Variants in CENPC observed in about 807,000 individuals in gnomAD.
The protein encoded by CENPC is centromere protein C.
A neutral mutation model predicts 112.1 loss-of-function variants in CENPC; 63 were observed. The observed-to-expected ratio is 0.56, with a 90% CI of 0.46 to 0.69. The LOEUF is 0.69. Ranked by LOEUF, CENPC falls within the 30% of genes least tolerant of loss-of-function variation. The probability of loss-of-function intolerance (pLI) is 0.00; values close to 1 mark genes in which losing one functional copy is unlikely to be tolerated. For missense variants in CENPC, 1,000 were observed against 1,103.8 expected (o/e 0.91, Z 1.33); for synonymous variants, 333 against 367.6 (o/e 0.91, Z 1.08).
At chr4:67,490,837 A>AATAAATATAT (rs1725229649) in intron 16 of CENPC, among the ~76,000 whole-genome samples, 2 of 57,112 alleles carry the variant, frequency 3.5e-5, no homozygotes, top group African/African-American at 1.2e-4. Context: ...TATAGAAATA[A>AATAAATATAT]ATATATATAT....
intron 3 of CENPC, 37 bp downstream of exon 3, chr4:67,540,943 T>A (rs1726868930): frequency 2.2e-6 from 3 of 1,384,168 alleles, no homozygotes; most frequent in African/African-American, 2.8e-5. Flanking sequence ...TTTTCATCCA[T>A]CTAACCCTTA....
At position 67,545,321 on chromosome 4, in the gene CENPC, G is replaced by A. The variant is rs1432559898; in HGVS notation, c.18+17C>T. ...AGCCGCTCAACCACTCGCCTGGAGC[G>A]GGGGGCCTGCACTTACCAGACCGGA... On this transcript the variant is annotated intron_variant, in intron 1 of 18. Coordinates refer to ENST00000273853, the MANE Select transcript of CENPC (RefSeq NM_001812.4). The A allele has an allele frequency of 1.4e-6, 2 of 1,469,140 alleles. No homozygotes were observed. The highest frequency in any genetic ancestry group is 1.4e-5 in the African/African-American group (1 of 69,306). The allele number at this position is 1,469,140 out of a possible 1,614,324, so 91.0% of individuals were successfully genotyped here.
chr4:67,523,851 T>C (rs1159494514), intron 5 of CENPC, among the ~76,000 whole-genome samples: 1 of 151,916 alleles, frequency 6.6e-6, no homozygotes, highest in African/African-American at 2.4e-5. Flanking sequence ...CTTGTGGCTC[T>C]AAAAGGTATG....
chr4:67,538,187 CTTAT>C lies in CENPC; in HGVS notation c.231+1649_231+1652del. Among the ~76,000 whole-genome samples, 3 of 152,236 alleles carry C rather than the reference CTTAT, an allele frequency of 2.0e-5. No homozygotes were observed. In the Middle Eastern group the frequency reaches 0.01, roughly 518 times the overall value. On this transcript the variant is annotated intron_variant, in intron 4 of 18. Coordinates refer to ENST00000273853, the MANE Select transcript of CENPC (RefSeq NM_001812.4). ...AGTAGAACCTTTATTTTGAACATTT[CTTAT>C]TTATTATACATTTAAAGTTATGAAT...
chr4:67,522,758 G>C (rs1242718158), intron 5 of CENPC, among the ~76,000 whole-genome samples: 1 of 152,088 alleles, frequency 6.6e-6, no homozygotes, highest in African/African-American at 2.4e-5. Context: ...CCAGCACTTT[G>C]GGAGGCCAAG....
At chr4:67,538,630 T>C (rs1237167812) in intron 4 of CENPC, among the ~76,000 whole-genome samples, 2 of 152,198 alleles carry the variant, frequency 1.3e-5, no homozygotes, top group African/African-American at 4.8e-5. Flanking sequence ...AGGAGACGGT[T>C]ACATAGAGAA....
chr4:67,480,140 C>CA (rs1466547752), intron 17 of CENPC, among the ~76,000 whole-genome samples: 1 of 152,000 alleles, frequency 6.6e-6, no homozygotes, highest in East Asian at 1.9e-4. Context: ...GCCAACATGG[C>CA]AAAACCCCGT....
chr4:67,496,417 G>A (rs573349720), intron 12 of CENPC, among the ~76,000 whole-genome samples: 8 of 152,222 alleles, frequency 5.3e-5, no homozygotes, highest in Non-Finnish European at 1.2e-4. Flanking sequence ...GGGGTGGTTG[G>A]TTACGCAGCA....
intron 16 of CENPC, among the ~76,000 whole-genome samples, chr4:67,491,445 T>TTATATATATA (rs1560423071): frequency 1.6e-5 from 1 of 64,180 alleles, no homozygotes; most frequent in African/African-American, 5.9e-5. Context: ...TTTAAATATT[T>TTATATATATA]CATATATATA....
intron 4 of CENPC, among the ~76,000 whole-genome samples, chr4:67,535,682 C>T (rs1040628506): frequency 4.6e-5 from 7 of 152,010 alleles, no homozygotes; most frequent in Non-Finnish European, 1.0e-4. Context: ...CATAATAATA[C>T]CATAAACACT....
chr4:67,542,040 C>T (rs1295067384), intron 2 of CENPC, among the ~76,000 whole-genome samples: 1 of 152,138 alleles, frequency 6.6e-6, no homozygotes, highest in Non-Finnish European at 1.5e-5. Context: ...TTTTTAGAGT[C>T]AAGTAATGTT....
chr4:67,476,206 C>CTCACATCATGA (rs1186517705), intron 17 of CENPC, among the ~76,000 whole-genome samples: 2 of 152,194 alleles, frequency 1.3e-5, no homozygotes. Flanking sequence ...CATGTGGAAA[C>CTCACATCATGA]TCACATCATG....
Position 67,513,001 on chromosome 4 carries a change from G to A in CENPC, c.1445-432C>T, listed in dbSNP as rs13123555. On this transcript the variant is annotated intron_variant, in intron 8 of 18. Coordinates refer to ENST00000273853, the MANE Select transcript of CENPC (RefSeq NM_001812.4). The stretch of plus-strand genomic sequence containing the variant: ...AGAGGCATTATCTTGGATCATCCAG[G>A]TTGACCCAATCTAATTATGTTTCTT... 3.9e-5 allele frequency among the ~76,000 whole-genome samples: 6 copies of A among 152,086 alleles called. No individual in the cohort carries two copies. The South Asian group carries it at 8.3e-4, about 21-fold the overall frequency.
In CENPC at chr4:67,497,957, A is replaced by T. The variant is rs184190462; in HGVS notation, c.2132-2745T>A. On this transcript the variant is annotated intron_variant, in intron 12 of 18. Transcript: ENST00000273853. ...TAAAAATGCTAAAGATCAGCCAGGC[A>T]TAGTGGCTCATGCCTGTAATCCCAA... Among the ~76,000 whole-genome samples the T allele has an allele frequency of 9.4e-4, 143 of 152,066 alleles. 1 individual carries two copies. Among genetic ancestry groups the T allele is most frequent in the African/African-American group, 3.3e-3 (136 of 41,530 alleles).
At chr4:67,514,814 C>G in intron 7 of CENPC, 127 bp from the exon 8 acceptor site, 1 of 948,010 alleles carries the variant, frequency 1.1e-6, no homozygotes. Context: ...CTCAATTTTC[C>G]CTTAATCTTA....
At chr4:67,489,393 C>T (rs355471) in intron 17 of CENPC, among the ~76,000 whole-genome samples, 95,509 of 151,676 alleles carry the variant, frequency 0.63, 30,330 homozygotes, top group East Asian at 0.81. Context: ...TATTATTTAG[C>T]ACTTACTGAA....
In CENPC at chr4:67,518,342, A is replaced by G; in HGVS notation, c.644T>C (p.Leu215Ser). ...TTTATTATCTATTTCTATTTTCTTT[A>G]ACATAACTTTATCATCAAAGTTTAA... ...KRLNFDDKVM[L>S]KKIEIDNKVS... The change falls in exon 7 of 19, where the codon TTA (leucine) becomes TCA (serine). Residue 215 changes from leucine to serine, a missense_variant. By Grantham distance (145) the Leu-to-Ser change is moderately radical. Transcript: ENST00000273853. 1.3e-6 allele frequency: 2 copies of G among 1,530,128 alleles called. No homozygotes were observed. Among genetic ancestry groups the G allele is most frequent in the Non-Finnish European group, 1.8e-6 (2 of 1,142,120 alleles). 94.8% of individuals were successfully genotyped at this position (1,530,128 alleles called of 1,614,324 possible).
intron 17 of CENPC, among the ~76,000 whole-genome samples, chr4:67,484,172 T>C (rs2109767540): frequency 6.6e-6 from 1 of 152,336 alleles, no homozygotes; most frequent in Non-Finnish European, 1.5e-5. Flanking sequence ...TTTCTACATT[T>C]AGATACACAA....
At chr4:67,544,736 C>T (rs1726980076) in intron 1 of CENPC, among the ~76,000 whole-genome samples, 1 of 152,160 alleles carries the variant, frequency 6.6e-6, no homozygotes, top group South Asian at 2.1e-4. Context: ...TACCTTTTAA[C>T]TGATAGCTGT....
Sources: allele counts gnomAD v4.1 joint callset (sites outside exome capture counted in the v4.1 genomes callset), GRCh38; gene constraint gnomAD v4.1.1; transcripts MANE v1.5; gene names NCBI Gene and HGNC (gene_info 2026-07-23, HGNC 2026-07-21).